Variants in VBP1 observed in about 807,000 individuals in gnomAD.
VBP1 encodes prefoldin subunit 3.
Under a neutral mutation model 15.5 loss-of-function variants are expected in VBP1, and 4 were observed. The ratio of observed to expected loss-of-function variants is 0.26; its 90% CI spans 0.13 to 0.59. The LOEUF (loss-of-function observed/expected upper bound fraction) is 0.59. Ranked by LOEUF, VBP1 falls within the 20% of genes least tolerant of loss-of-function variation. The probability of loss-of-function intolerance (pLI) is 0.90; values close to 1 mark genes in which losing one functional copy is unlikely to be tolerated. For missense variants in VBP1, 108 were observed against 139.6 expected (o/e 0.77, Z 1.14); for synonymous variants, 61 against 52.1 (o/e 1.17, Z -0.74).
chrX:155,204,616 G>A (rs181273963), intron 1 of VBP1, among the ~76,000 whole-genome samples: 69 of 112,097 alleles, frequency 6.2e-4, no homozygotes, highest in African/African-American at 2.1e-3. Context: ...CATGCCTTGT[G>A]AGATGGCTAA....
chrX:155,210,178 G>A (rs782272219), intron 2 of VBP1, among the ~76,000 whole-genome samples: 10 of 111,703 alleles, frequency 9.0e-5, no homozygotes, highest in Non-Finnish European at 1.5e-4. Flanking sequence ...CGGTGCAGTG[G>A]CCCAAGCTTG....
At chrX:155,208,627 A>C (rs1025488144) in intron 1 of VBP1, among the ~76,000 whole-genome samples, 3 of 111,616 alleles carry the variant, frequency 2.7e-5, no homozygotes, top group Non-Finnish European at 5.6e-5. Flanking sequence ...CCTGCTTTTC[A>C]ATAACTATTC....
intron 1 of VBP1, among the ~76,000 whole-genome samples, chrX:155,202,409 G>A (rs1557307595): frequency 1.8e-5 from 2 of 111,540 alleles, no homozygotes; most frequent in Non-Finnish European, 3.8e-5. Flanking sequence ...CCAAAACAGA[G>A]ATATAGATCA....
At chrX:155,214,506 G>A (rs369304781), upstream of VBP1, among the ~76,000 whole-genome samples, 1 of 112,100 alleles carries the variant, frequency 8.9e-6, no homozygotes, top group Non-Finnish European at 1.9e-5. Flanking sequence ...ACAACACTAC[G>A]TGAAATGATT....
chrX:155,216,684 C>A (rs1006843696), intron 1 of VBP1, 109 bp downstream of exon 1: 4 of 1,056,408 alleles, frequency 3.8e-6, no homozygotes, highest in South Asian at 4.4e-5. Context: ...GCCAAGTGTT[C>A]AGGGAGGGGG....
chrX:155,224,668 T>G (rs1411003872), intron 2 of VBP1, among the ~76,000 whole-genome samples: 3 of 112,239 alleles, frequency 2.7e-5, no homozygotes, highest in Non-Finnish European at 3.8e-5. Context: ...CAGCCTGTCA[T>G]TTAACTTTAC....
chrX:155,238,678 G>A, intron 5 of VBP1, 94 bp from the exon 6 acceptor site: 1 of 638,330 alleles, frequency 1.6e-6, no homozygotes, highest in Non-Finnish European at 2.4e-6. Context: ...TCATTTCTGT[G>A]TCTTTGATTC....
chrX:155,215,939 G>T (rs1301487348), upstream of VBP1, among the ~76,000 whole-genome samples: 2 of 111,609 alleles, frequency 1.8e-5, no homozygotes, highest in African/African-American at 6.5e-5. Context: ...GACAGGCAGG[G>T]TATTTATTAG....
chrX:155,213,819 T>G (rs1348198890), upstream of VBP1, among the ~76,000 whole-genome samples: 1 of 112,423 alleles, frequency 8.9e-6, no homozygotes, highest in Non-Finnish European at 1.9e-5. Context: ...TATTCAAAAT[T>G]TATCACCTTC....
At chrX:155,215,731 C>T (rs1557308942), upstream of VBP1, among the ~76,000 whole-genome samples, 1 of 111,601 alleles carries the variant, frequency 9.0e-6, no homozygotes, top group African/African-American at 3.3e-5. Context: ...GAAAAGAGCC[C>T]GAAGAATAAT....
chrX:155,231,073 C>G (rs781928650), intron 4 of VBP1, among the ~76,000 whole-genome samples: 36 of 112,278 alleles, frequency 3.2e-4, no homozygotes, highest in Non-Finnish European at 5.4e-4. Context: ...AACCTTTATT[C>G]TAGCTCTTTC....
chrX:155,206,796 A>G (rs2074628095), intron 1 of VBP1, among the ~76,000 whole-genome samples: 1 of 110,375 alleles, frequency 9.1e-6, no homozygotes, highest in Admixed American at 9.7e-5. Flanking sequence ...TAGAAACACC[A>G]TTTTCTCTTA....
intron 1 of VBP1, among the ~76,000 whole-genome samples, chrX:155,200,465 C>A (rs1557307287): frequency 9.0e-6 from 1 of 111,332 alleles, no homozygotes; most frequent in Non-Finnish European, 1.9e-5. Flanking sequence ...TCACTCAAAA[C>A]CGCTCGACTA....
chrX:155,229,172 A>G (rs1327589513), intron 4 of VBP1, among the ~76,000 whole-genome samples: 2 of 111,886 alleles, frequency 1.8e-5, no homozygotes, highest in Admixed American at 9.5e-5. Context: ...GGCACTCTAG[A>G]TTAGCCCAAG....
intron 1 of VBP1, among the ~76,000 whole-genome samples, chrX:155,202,437 T>C (rs1471751685): frequency 1.8e-5 from 2 of 111,197 alleles, no homozygotes; most frequent in East Asian, 2.8e-4. Flanking sequence ...GGAACAGAGC[T>C]CTCAGAAATA....
chrX:155,219,107 C>A (rs1452874626), intron 1 of VBP1, among the ~76,000 whole-genome samples: 2 of 112,161 alleles, frequency 1.8e-5, no homozygotes, highest in Non-Finnish European at 3.8e-5. Flanking sequence ...AGTTCACTCC[C>A]TTGCTGTGTT....
intron 1 of VBP1, among the ~76,000 whole-genome samples, chrX:155,206,433 A>C (rs186736482): frequency 9.1e-6 from 1 of 110,371 alleles, no homozygotes. Context: ...ATGGGGTTTC[A>C]CCGTGTTAGC....
At position 155,216,565 on chromosome X, in the gene VBP1, C is replaced by G; in HGVS notation, c.83C>G (p.Ala28Gly). 1 of 1,168,900 alleles carries G rather than the reference C, an allele frequency of 8.6e-7. No homozygotes were observed. Reference protein sequence around the residue: ...GRRLHLGIPEAVFVEDVDSFM... With the variant: ...GRRLHLGIPEGVFVEDVDSFM... ...CGGCTCCACCTGGGGATTCCTGAGG[C>G]CGTGTTTGTGGTAAGAGGCACGCTG... Residue 28 changes from alanine to glycine, a missense_variant, in exon 1 of 6, where the codon GCC becomes GGC. Coordinates refer to ENST00000286428, the MANE Select transcript of VBP1 (RefSeq NM_003372.7).
chrX:155,236,049 A>T (rs1217106260), intron 4 of VBP1, among the ~76,000 whole-genome samples, 180 bp from the exon 5 acceptor site: 2 of 112,323 alleles, frequency 1.8e-5, no homozygotes, highest in East Asian at 2.8e-4. Context: ...TCAACCACTC[A>T]GTTTTGCCAT....
Sources: gnomAD v4.1 joint callset for allele counts (sites outside exome capture counted in the v4.1 genomes callset) on GRCh38, gnomAD v4.1.1 for gene constraint, MANE v1.5 for transcripts, NCBI Gene and HGNC (gene_info 2026-07-23, HGNC 2026-07-21) for gene names.